Variants in CREB5 observed in about 807,000 individuals in gnomAD.
The protein encoded by CREB5 is cAMP responsive element binding protein 5.
A neutral mutation model predicts 57.1 loss-of-function variants in CREB5; 19 were observed. That is an observed-to-expected ratio of 0.33 (90% CI 0.23 to 0.49). CREB5 has a LOEUF of 0.49. Ranked by LOEUF, CREB5 falls within the 20% of genes least tolerant of loss-of-function variation. The pLI is 0.99. For synonymous variants in CREB5, 238 were observed against 238.3 expected (o/e 1.00, Z 0.01); for missense variants, 579 against 671.6 (o/e 0.86, Z 1.52).
At chr7:28,681,704 G>A (rs374981382) in intron 5 of CREB5, among the ~76,000 whole-genome samples, 2 of 152,192 alleles carry the variant, frequency 1.3e-5, no homozygotes, top group Non-Finnish European at 2.9e-5. Context: ...GCTTCAGGAC[G>A]CCAAAGGAGC....
chr7:28,553,909 C>T (rs890977846), intron 4 of CREB5, among the ~76,000 whole-genome samples: 5 of 152,202 alleles, frequency 3.3e-5, no homozygotes, highest in South Asian at 4.2e-4. Context: ...TGAGAGGACC[C>T]TAAGGTCAGT....
chr7:28,414,180 T>C (rs1315811265), intron 1 of CREB5, among the ~76,000 whole-genome samples: 2 of 152,242 alleles, frequency 1.3e-5, no homozygotes, highest in South Asian at 4.1e-4. Flanking sequence ...TTCTTCTTCT[T>C]CTAAGCAATG....
intron 4 of CREB5, among the ~76,000 whole-genome samples, chr7:28,558,576 C>T (rs995023202): frequency 2.0e-5 from 3 of 152,176 alleles, no homozygotes; most frequent in African/African-American, 4.8e-5. Flanking sequence ...TTCCAGAATG[C>T]AGGTGCCCAA....
At chr7:28,643,898 T>C (rs1240333541) in intron 5 of CREB5, among the ~76,000 whole-genome samples, 1 of 151,640 alleles carries the variant, frequency 6.6e-6, no homozygotes, top group Admixed American at 6.6e-5. Context: ...ATGGGCAACA[T>C]AGGGATACCC....
intron 5 of CREB5, among the ~76,000 whole-genome samples, chr7:28,699,784 C>T (rs1407473779): frequency 6.6e-6 from 1 of 151,984 alleles, no homozygotes; most frequent in Non-Finnish European, 1.5e-5. Flanking sequence ...AACAATAGGG[C>T]CAAGAAGGGG....
Position 28,435,110 on chromosome 7 carries a change from C to T in CREB5, c.3+22193C>T, listed in dbSNP as rs1364572313. Among the ~76,000 whole-genome samples the T allele has an allele frequency of 9.3e-3, 761 of 81,408 alleles. 7 individuals carry two copies. Among genetic ancestry groups the T allele is most frequent in the African/African-American group, 0.029 (672 of 22,978 alleles). 53.4% of individuals were successfully genotyped at this position (81,408 alleles called of 152,430 possible). On this transcript the variant is annotated intron_variant, in intron 1 of 10. Transcript: ENST00000357727. ...ACCTGGCTTTTTTTTTTTTTTTTTC[C>T]TCCCTCACTCAACCTATAACTAGCT...
At chr7:28,654,259 T>C (rs1403039145) in intron 5 of CREB5, among the ~76,000 whole-genome samples, 2 of 152,150 alleles carry the variant, frequency 1.3e-5, no homozygotes, top group African/African-American at 4.8e-5. Context: ...CTCCCCCTCT[T>C]CTAGTTCTCA....
intron 5 of CREB5, among the ~76,000 whole-genome samples, chr7:28,678,150 G>A (rs1245138135): frequency 6.6e-6 from 1 of 152,208 alleles, no homozygotes; most frequent in African/African-American, 2.4e-5. Context: ...AACTTTGGGA[G>A]GCCAAGGCGG....
rs73077784 is a variant in CREB5, at chr7:28,517,857, T to C, written c.291+10120T>C. ...CCAGTCCTCTTGTTTGGTTCTCGGG[T>C]GAAGCAGAATTCCAAAAGGACTTTA... is the stretch of plus-strand genomic sequence containing the variant. On this transcript the variant is annotated intron_variant, in intron 4 of 10. Coordinates refer to ENST00000357727, the MANE Select transcript of CREB5 (RefSeq NM_182898.4). Among the ~76,000 whole-genome samples, 852 of 152,302 alleles carry C rather than the reference T, an allele frequency of 5.6e-3. 2 individuals are homozygous for C. The highest frequency in any genetic ancestry group is 0.01 in the Middle Eastern group (3 of 294).
chr7:28,560,885 TGCGTGTGTGTGCGTGCGCGC>T (rs1562797484), intron 4 of CREB5, among the ~76,000 whole-genome samples: 1 of 26,478 alleles, frequency 3.8e-5, no homozygotes, highest in African/African-American at 1.6e-4. Context: ...CGTGCGTGCG[TGCGTGTGTGTGCGTGCGCGC>T]GTGCGTGTGC....
chr7:28,565,446 G>A (rs1795436535), intron 4 of CREB5, among the ~76,000 whole-genome samples: 1 of 152,134 alleles, frequency 6.6e-6, no homozygotes, highest in African/African-American at 2.4e-5. Flanking sequence ...TGAGTGGCAT[G>A]GTATTGGTGA....
At chr7:28,648,500 C>A (rs1798993318) in intron 5 of CREB5, among the ~76,000 whole-genome samples, 1 of 152,050 alleles carries the variant, frequency 6.6e-6, no homozygotes, top group Non-Finnish European at 1.5e-5. Context: ...TTTTGGGAGG[C>A]TTAGGCAGGA....
In CREB5 at chr7:28,619,180, C is replaced by T. The variant is rs573560807; in HGVS notation, c.464+48643C>T. On this transcript the variant is annotated intron_variant, in intron 5 of 10. Transcript: ENST00000357727. ...GTCCCCATTTTGCTGCTGAAGAAAG[C>T]AGGCATGGAGAAGTTATGAACTTGC... is the stretch of plus-strand genomic sequence containing the variant. 2.0e-5 allele frequency among the ~76,000 whole-genome samples: 3 copies of T among 152,332 alleles called. No homozygotes were observed. The East Asian group carries it at 5.8e-4, about 29-fold the overall frequency.
chr7:28,328,215 A>C (rs893911288), intron 1 of CREB5, among the ~76,000 whole-genome samples: 5 of 152,198 alleles, frequency 3.3e-5, no homozygotes, highest in African/African-American at 1.2e-4. Context: ...GACTGCATTC[A>C]ATCTAAGCCC....
chr7:28,631,118 C>G (rs146957834), intron 5 of CREB5, among the ~76,000 whole-genome samples: 2 of 152,166 alleles, frequency 1.3e-5, no homozygotes, highest in African/African-American at 4.8e-5. Context: ...AATACCGACC[C>G]GCTCTGAGTG....
At chr7:28,769,912 A>G (rs1393522736) in intron 7 of CREB5, among the ~76,000 whole-genome samples, 5 of 152,190 alleles carry the variant, frequency 3.3e-5, no homozygotes, top group African/African-American at 1.2e-4. Flanking sequence ...TTAGAATCAG[A>G]CCTTTCCATG....
chr7:28,421,822 G>GTA (rs1305742681), intron 1 of CREB5, among the ~76,000 whole-genome samples: 5 of 108,484 alleles, frequency 4.6e-5, no homozygotes, highest in African/African-American at 1.7e-4. Context: ...TATATAGTGT[G>GTA]CATATATATA....
intron 5 of CREB5, among the ~76,000 whole-genome samples, chr7:28,590,535 G>T: frequency 9.4e-6 from 1 of 106,066 alleles, no homozygotes; most frequent in Non-Finnish European, 1.8e-5. Flanking sequence ...TTGTGGGGTG[G>T]GGGGAGGGGG....
intron 1 of CREB5, among the ~76,000 whole-genome samples, chr7:28,423,356 C>T (rs1788355246): frequency 1.3e-5 from 2 of 152,204 alleles, no homozygotes; most frequent in Admixed American, 6.5e-5. Flanking sequence ...TCCCACTCCT[C>T]ATAGAACTTG....
Sources: allele counts gnomAD v4.1 joint callset (sites outside exome capture counted in the v4.1 genomes callset), GRCh38; gene constraint gnomAD v4.1.1; transcripts MANE v1.5; gene names NCBI Gene and HGNC (gene_info 2026-07-23, HGNC 2026-07-21).